Variants in RAB11FIP5 observed in about 807,000 individuals in gnomAD.
RAB11FIP5 encodes the protein rab11 family-interacting protein 5.
RAB11FIP5 carries 48 observed loss-of-function variants against 85.1 expected under a neutral mutation model. The observed-to-expected ratio is 0.56, with a 90% CI of 0.45 to 0.72. The LOEUF (loss-of-function observed/expected upper bound fraction) is 0.72. Ranked by LOEUF, RAB11FIP5 falls within the 30% of genes least tolerant of loss-of-function variation. The pLI is 0.00. For missense variants in RAB11FIP5, 1,491 were observed against 1,687.0 expected, an observed-to-expected ratio of 0.88 and a Z score of 2.04; for synonymous variants, 729 against 727.3, an observed-to-expected ratio of 1.00 and a Z score of -0.04.
intron 1 of RAB11FIP5, among the ~76,000 whole-genome samples, chr2:73,101,670 C>G (rs1558523118): frequency 6.6e-6 from 1 of 152,102 alleles, no homozygotes; most frequent in Admixed American, 6.5e-5. Flanking sequence ...AAGACTGAGC[C>G]CCACCCCTGC....
chr2:73,109,726 C>T (rs56280862), intron 1 of RAB11FIP5, among the ~76,000 whole-genome samples: 9,238 of 152,260 alleles, frequency 0.061, 332 homozygotes, highest in East Asian at 0.14. Flanking sequence ...CTGCAAAGGG[C>T]CAGCTCATTT....
At position 73,089,430 on chromosome 2, in the gene RAB11FIP5, T is replaced by C. The variant is rs1257004430; in HGVS notation, c.432-115A>G. 6 of 1,074,830 alleles carry C rather than the reference T, an allele frequency of 5.6e-6. No homozygotes were observed. The highest frequency in any genetic ancestry group is 8.6e-6 in the Non-Finnish European group (6 of 701,514). The allele number at this position is 1,074,830 out of a possible 1,614,324, so 66.6% of individuals were successfully genotyped here. A position where few individuals can be genotyped will look rare whatever the true frequency, so the allele number is the denominator to read the frequency against. On this transcript the variant is annotated intron_variant, in intron 1 of 5. Transcript: ENST00000486777. This position sits in a 1 kb window ranked among gnomAD's most constrained non-coding sequence, Gnocchi z 4.6. ...TGCTCTGAGAGCCACTGATAGCCTC[T>C]CCCCAAAGGCTCCTGCTCTGACCCA...
At position 73,086,160 on chromosome 2, in the gene RAB11FIP5, C is replaced by T. The variant is rs1559234385; in HGVS notation, c.1568+1890G>A. On this transcript the variant is annotated intron_variant, in intron 3 of 5. Transcript: ENST00000486777. This position sits in a 1 kb window ranked among gnomAD's most constrained non-coding sequence, Gnocchi z 4.4. ...CATCTGTCCAGGCCAGGCCATCTTA[C>T]CCAAAGCACAGCCCCTCCCACCCCA... Among the ~76,000 whole-genome samples the T allele has an allele frequency of 6.6e-6, 1 of 152,214 alleles. No individual in the cohort carries two copies. The highest frequency in any genetic ancestry group is 1.5e-5 in the Non-Finnish European group (1 of 68,032).
intron 1 of RAB11FIP5, among the ~76,000 whole-genome samples, chr2:73,095,262 ACACAGTAAGAAAAGG>A (rs1684294362): frequency 2.6e-5 from 4 of 152,352 alleles, no homozygotes; most frequent in Non-Finnish European, 5.9e-5. Flanking sequence ...GACATGATGG[ACACAGTAAGAAAAGG>A]CACAGTAAGA....
chr2:73,085,906 C>CCTG (rs1201862981), intron 3 of RAB11FIP5, among the ~76,000 whole-genome samples: 1 of 152,156 alleles, frequency 6.6e-6, no homozygotes, highest in East Asian at 1.9e-4. Context: ...TGGGGACAGG[C>CCTG]TCCCCAGGCC....
intron 1 of RAB11FIP5, among the ~76,000 whole-genome samples, chr2:73,092,684 G>A (rs1188273639): frequency 6.6e-6 from 1 of 152,228 alleles, no homozygotes; most frequent in East Asian, 1.9e-4. Flanking sequence ...AGGGAATTTG[G>A]GTTTCTCCCT....
At chr2:73,082,140 A>G (rs1349695458) in intron 3 of RAB11FIP5, among the ~76,000 whole-genome samples, 4 of 146,290 alleles carry the variant, frequency 2.7e-5, no homozygotes, top group Non-Finnish European at 3.0e-5. Flanking sequence ...GGCTCAAGCC[A>G]TTCTTGTGCC....
rs746281561 is a variant in RAB11FIP5, at chr2:73,088,944, T to C, written c.803A>G (p.Gln268Arg). 2 of 1,611,078 alleles carry C rather than the reference T, an allele frequency of 1.2e-6. No homozygotes were observed. The highest frequency in any genetic ancestry group is 2.2e-5 in the South Asian group (2 of 90,726). ...LSSASGSLAYQGPGAELLTRS... is the reference protein window; with the variant it reads ...LSSASGSLAYRGPGAELLTRS... The stretch of plus-strand genomic sequence containing the variant: ...GGTGAGGAGTTCGGCGCCAGGTCCC[T>C]GGTAGGCCAAGCTCCCGCTGGCTGA... The change falls in exon 2 of 6, where the codon CAG becomes CGG. Residue 268 changes from glutamine (Q) to arginine (R), a missense_variant. Around this residue, in one of 3 missense-constraint regions of RAB11FIP5, gnomAD observed 1,211 missense variants for 1,338.0 expected, o/e 0.91. Transcript: ENST00000486777.
In RAB11FIP5 at chr2:73,080,412, A is replaced by G. The variant is rs1434359190; in HGVS notation, c.2820T>C (p.Ser940=). ...PETEGEDASP[S]ALVVGPPETK... ...TCTCCGGGGGACCGACAACCAGTGC[A>G]CTTGGGGAGGCATCTTCTCCCTCTG... Residue 940 remains serine, a synonymous_variant, in exon 4 of 6, where the codon AGT becomes AGC. Coordinates refer to ENST00000486777, the MANE Select transcript of RAB11FIP5 (RefSeq NM_001371272.1). 3 of 1,233,126 alleles carry G rather than the reference A, an allele frequency of 2.4e-6. No homozygotes were observed. The highest frequency in any genetic ancestry group is 2.0e-6 in the Non-Finnish European group (2 of 988,530). The allele number at this position is 1,233,126 out of a possible 1,614,324, so 76.4% of individuals were successfully genotyped here.
rs1684176213 is a variant in RAB11FIP5 at position 73,089,897 on chromosome 2, AC to A, written c.432-583del. 1.3e-5 allele frequency among the ~76,000 whole-genome samples: 2 copies of A among 151,484 alleles called. No homozygotes were observed. Among genetic ancestry groups the A allele is most frequent in the Non-Finnish European group, 2.9e-5 (2 of 67,898 alleles). ...CATGTATGTATACACACACACACACACACACACACACACACACACCTCACTC... is the reference window on the plus strand; with the variant it reads ...CATGTATGTATACACACACACACACAACACACACACACACACACCTCACTC... On this transcript the variant is annotated intron_variant, in intron 1 of 5. Transcript: ENST00000486777. The surrounding 1 kb of genome is among the most constrained non-coding windows in gnomAD (Gnocchi z 4.6).
chr2:73,101,327 G>A (rs1297446296), intron 1 of RAB11FIP5, among the ~76,000 whole-genome samples: 2 of 152,168 alleles, frequency 1.3e-5, no homozygotes, highest in East Asian at 1.9e-4. Context: ...GGGGAGACAT[G>A]TCATGAGGAG....
Position 73,079,713 on chromosome 2 carries a change from G to C in RAB11FIP5, c.3519C>G (p.Ala1173=). Reference sequence around the variant, plus strand: ...CCAAGGGCAGAAGCACAAGCGGGGAGGCTGGGGTGGCTGCAGCGAGGTCCT... The same window carrying C: ...CCAAGGGCAGAAGCACAAGCGGGGACGCTGGGGTGGCTGCAGCGAGGTCCT... ...LREDLAAATP[A]SPLVLLPLET... is the part of the protein sequence containing the mutation. Residue 1173 remains alanine (A), a synonymous_variant, in exon 4 of 6, where the codon GCC becomes GCG. Transcript: ENST00000486777. The C allele has an allele frequency of 5.7e-6, 7 of 1,233,304 alleles. No individual in the cohort carries two copies. The highest frequency in any genetic ancestry group is 7.1e-6 in the Non-Finnish European group (7 of 988,930). The allele number at this position is 1,233,304 out of a possible 1,614,324, so 76.4% of individuals were successfully genotyped here.
intron 1 of RAB11FIP5, among the ~76,000 whole-genome samples, chr2:73,108,286 C>A (rs1180750159): frequency 6.6e-6 from 1 of 152,206 alleles, no homozygotes; most frequent in Non-Finnish European, 1.5e-5. Context: ...CTTTGCTTTC[C>A]CAAGAGGCCA....
intron 1 of RAB11FIP5, among the ~76,000 whole-genome samples, chr2:73,090,925 A>G (rs1168978654): frequency 6.6e-6 from 1 of 152,238 alleles, no homozygotes; most frequent in Non-Finnish European, 1.5e-5. Flanking sequence ...GCTCTCAAAT[A>G]CAACAAACAT....
intron 1 of RAB11FIP5, among the ~76,000 whole-genome samples, chr2:73,091,020 G>A (rs772095148): frequency 2.0e-5 from 3 of 152,040 alleles, no homozygotes; most frequent in Non-Finnish European, 2.9e-5. Flanking sequence ...CTTTTCACTC[G>A]TTTTTCTGTA....
chr2:73,110,953 C>T (rs1395511573), intron 1 of RAB11FIP5, among the ~76,000 whole-genome samples: 1 of 152,086 alleles, frequency 6.6e-6, no homozygotes. Context: ...GAGAGCTTTT[C>T]GCCCCATATA....
At chr2:73,101,195 C>A (rs1684424085) in intron 1 of RAB11FIP5, among the ~76,000 whole-genome samples, 1 of 151,890 alleles carries the variant, frequency 6.6e-6, no homozygotes, top group South Asian at 2.1e-4. Flanking sequence ...GGTGGAGAAT[C>A]AGGGTGCAGG....
At chr2:73,079,211 T>C (rs1194091422) in intron 4 of RAB11FIP5, among the ~76,000 whole-genome samples, 1 of 152,116 alleles carries the variant, frequency 6.6e-6, no homozygotes, top group Non-Finnish European at 1.5e-5. Flanking sequence ...AAGGCTCCAC[T>C]GCCAGCCTGC....
At chr2:73,106,884 A>T (rs1684537860) in intron 1 of RAB11FIP5, among the ~76,000 whole-genome samples, 1 of 151,946 alleles carries the variant, frequency 6.6e-6, no homozygotes, top group South Asian at 2.1e-4. Context: ...CAAAGGTCAC[A>T]GTGGCCTGTG....
Sources: gnomAD v4.1 joint callset for allele counts (sites outside exome capture counted in the v4.1 genomes callset) on GRCh38, gnomAD v4.1.1 for gene constraint, gnomAD v4.1.1 regional missense constraint, Gnocchi (gnomAD v3.1) non-coding constraint, MANE v1.5 for transcripts, NCBI Gene and HGNC (gene_info 2026-07-23, HGNC 2026-07-21) for gene names.